Variants in CACNA2D3 observed in about 807,000 individuals in gnomAD.
CACNA2D3 encodes calcium voltage-gated channel auxiliary subunit alpha2delta 3.
A neutral mutation model predicts 160.6 loss-of-function variants in CACNA2D3; 60 were observed. The observed-to-expected ratio is 0.37, with a 90% CI of 0.30 to 0.46. The LOEUF is 0.46. Among genes scored for constraint, CACNA2D3 ranks in the 20% least tolerant of loss-of-function variants. The pLI is 1.00. For synonymous variants in CACNA2D3, 558 were observed against 492.9 expected (o/e 1.13, Z -1.75); for missense variants, 1,205 against 1,365.0 (o/e 0.88, Z 1.85).
chr3:54,909,355 G>A (rs1447470437), intron 27 of CACNA2D3, among the ~76,000 whole-genome samples: 1 of 151,990 alleles, frequency 6.6e-6, no homozygotes, highest in Non-Finnish European at 1.5e-5. Context: ...GAGATTTGGG[G>A]ATTTATTTAA....
intron 27 of CACNA2D3, among the ~76,000 whole-genome samples, chr3:54,920,414 C>T (rs893291148): frequency 4.6e-5 from 7 of 152,156 alleles, no homozygotes; most frequent in African/African-American, 1.7e-4. Context: ...TCACCCACCA[C>T]CAGAGTGTCT....
chr3:54,888,308 C>T (rs189013232), intron 24 of CACNA2D3, among the ~76,000 whole-genome samples: 14 of 152,198 alleles, frequency 9.2e-5, no homozygotes, highest in South Asian at 4.2e-4. Flanking sequence ...GTGACACTTC[C>T]GAGAGAGAGG....
At chr3:55,054,327 T>C (rs929271791) in intron 35 of CACNA2D3, among the ~76,000 whole-genome samples, 2 of 151,852 alleles carry the variant, frequency 1.3e-5, no homozygotes, top group African/African-American at 4.8e-5. Context: ...TTCATTTGTG[T>C]TTTAACCTTG....
Position 55,021,679 on chromosome 3 carries a change from G to GTA in CACNA2D3, c.2987+3374_2987+3375dup, listed in dbSNP as rs3836389. Among the ~76,000 whole-genome samples, 189 of 141,908 alleles carry GTA rather than the reference G, an allele frequency of 1.3e-3. No individual in the cohort carries two copies. The Middle Eastern group carries it at 0.018, about 14-fold the overall frequency. The allele number at this position is 141,908 out of a possible 152,430, so 93.1% of individuals were successfully genotyped here. A position where few individuals can be genotyped will look rare whatever the true frequency, so the allele number is the denominator to read the frequency against. ...TATATGTGTGTGTATATATATATGT[G>GTA]TATATATATATATGTGTGTATATAT... On this transcript the variant is annotated intron_variant, in intron 35 of 37. Coordinates refer to ENST00000474759, the MANE Select transcript of CACNA2D3 (RefSeq NM_018398.3).
chr3:54,144,831 A>C (rs771352854), intron 2 of CACNA2D3, among the ~76,000 whole-genome samples: 16 of 152,386 alleles, frequency 1.0e-4, no homozygotes, highest in Non-Finnish European at 1.9e-4. Context: ...GTAAGGGCTC[A>C]GTAATGCCAA....
At chr3:54,799,167 C>T (rs924084690) in intron 13 of CACNA2D3, among the ~76,000 whole-genome samples, 2 of 152,162 alleles carry the variant, frequency 1.3e-5, no homozygotes, top group Non-Finnish European at 2.9e-5. Flanking sequence ...AGGTTTCTCA[C>T]TGATATATAT....
At chr3:54,978,568 CAA>C (rs1298354529) in intron 29 of CACNA2D3, among the ~76,000 whole-genome samples, 1 of 152,194 alleles carries the variant, frequency 6.6e-6, no homozygotes, top group Admixed American at 6.5e-5. Context: ...CATTTCTACA[CAA>C]AGAGTACAAT....
chr3:54,286,694 C>A (rs1703036299), intron 2 of CACNA2D3, among the ~76,000 whole-genome samples: 2 of 152,080 alleles, frequency 1.3e-5, no homozygotes, highest in Non-Finnish European at 1.5e-5. Flanking sequence ...GTCAGGTTAC[C>A]CACAAAGGGA....
At chr3:54,461,254 C>T (rs903987842) in intron 4 of CACNA2D3, among the ~76,000 whole-genome samples, 3 of 151,508 alleles carry the variant, frequency 2.0e-5, no homozygotes, top group African/African-American at 4.9e-5. Context: ...GGTTGTGTCT[C>T]TGCCCAGCTT....
intron 2 of CACNA2D3, among the ~76,000 whole-genome samples, chr3:54,283,736 C>T (rs1340709457): frequency 6.6e-6 from 1 of 152,146 alleles, no homozygotes; most frequent in East Asian, 1.9e-4. Flanking sequence ...TGTTCTTGAC[C>T]TTCTGACACC....
Position 54,839,538 on chromosome 3 carries a change from C to T in CACNA2D3, c.1551+890C>T, listed in dbSNP as rs147977427. Among the ~76,000 whole-genome samples, 8 of 152,344 alleles carry T rather than the reference C, an allele frequency of 5.3e-5. No individual in the cohort carries two copies. In the East Asian group the frequency reaches 1.5e-3, roughly 29 times the overall value. ...GGGCGAACACCACATCCACCCCCTT[C>T]TCCCCCAGCACCAAGCTGACTGGCT... On this transcript the variant is annotated intron_variant, in intron 16 of 37. Transcript: ENST00000474759.
At chr3:54,265,574 T>TAG (rs1259659771) in intron 2 of CACNA2D3, among the ~76,000 whole-genome samples, 2 of 133,802 alleles carry the variant, frequency 1.5e-5, no homozygotes, top group Non-Finnish European at 3.1e-5. Context: ...TGTATATATA[T>TAG]AGTGTGTGTA....
intron 2 of CACNA2D3, among the ~76,000 whole-genome samples, chr3:54,288,265 C>T (rs1034283393): frequency 1.3e-5 from 2 of 152,162 alleles, no homozygotes; most frequent in East Asian, 1.9e-4. Flanking sequence ...CACAGAAATA[C>T]AAACTACCAT....
intron 11 of CACNA2D3, among the ~76,000 whole-genome samples, chr3:54,715,452 C>T (rs1422179218): frequency 2.0e-5 from 3 of 152,044 alleles, no homozygotes; most frequent in Non-Finnish European, 4.4e-5. Context: ...ATGAAGGATT[C>T]ATTATGTCCA....
At position 54,423,768 on chromosome 3, in the gene CACNA2D3, C is replaced by T. The variant is rs560196147; in HGVS notation, c.381+36994C>T. On this transcript the variant is annotated intron_variant, in intron 4 of 37. Transcript: ENST00000474759. ...TTCCAGCTTGATGCTTTTCTCTGAC[C>T]TACCTGGAGCGTTAGGAACTAGGCC... Among the ~76,000 whole-genome samples the T allele has an allele frequency of 1.2e-4, 18 of 152,248 alleles. No individual in the cohort carries two copies. In the East Asian group the frequency reaches 3.1e-3, roughly 26 times the overall value.
At chr3:54,881,292 G>A (rs1253395361) in intron 21 of CACNA2D3, among the ~76,000 whole-genome samples, 3 of 152,102 alleles carry the variant, frequency 2.0e-5, no homozygotes, top group African/African-American at 7.2e-5. Context: ...AGAGATATGA[G>A]AGCCTTAGTC....
chr3:54,290,408 A>G (rs1042203490), intron 2 of CACNA2D3, among the ~76,000 whole-genome samples: 1 of 152,192 alleles, frequency 6.6e-6, no homozygotes, highest in Non-Finnish European at 1.5e-5. Flanking sequence ...GTCAGGAAAC[A>G]ACAGGTGCTG....
chr3:54,307,573 C>G (rs1028109749), intron 2 of CACNA2D3, among the ~76,000 whole-genome samples: 15 of 152,182 alleles, frequency 9.9e-5, no homozygotes, highest in African/African-American at 3.6e-4. Context: ...ATTGCCTCTT[C>G]CCCAATGAAA....
At chr3:54,207,534 T>C (rs887609193) in intron 2 of CACNA2D3, among the ~76,000 whole-genome samples, 2 of 151,832 alleles carry the variant, frequency 1.3e-5, no homozygotes, top group African/African-American at 4.8e-5. Flanking sequence ...GGGATACATT[T>C]CTCTCCCTTG....
Sources: gnomAD v4.1 joint callset for allele counts (sites outside exome capture counted in the v4.1 genomes callset) on GRCh38, gnomAD v4.1.1 for gene constraint, MANE v1.5 for transcripts, NCBI Gene and HGNC (gene_info 2026-07-23, HGNC 2026-07-21) for gene names.